Variants in SHISA9 observed in about 807,000 individuals in gnomAD.
SHISA9 encodes the protein shisa family member 9, also known as protein shisa-9.
SHISA9 carries 13 observed loss-of-function variants against 38.0 expected under a neutral mutation model. The observed-to-expected ratio is 0.34, with a 90% CI of 0.22 to 0.54. The LOEUF (loss-of-function observed/expected upper bound fraction) is 0.54, where lower values mean the gene tolerates loss of function less well. Among genes scored for constraint, SHISA9 ranks in the 20% least tolerant of loss-of-function variants. SHISA9 has a pLI of 0.91. For synonymous variants in SHISA9, 275 were observed against 242.0 expected (o/e 1.14, Z -1.27); for missense variants, 538 against 575.8 (o/e 0.93, Z 0.67).
chr16:13,530,297 T>C, the SHISA9 span, among the ~76,000 whole-genome samples: 3 of 152,118 alleles, frequency 2.0e-5, no homozygotes, highest in East Asian at 5.8e-4. Context: ...TGAGACTCCG[T>C]CTCAAAAAAT....
chr16:13,168,535 A>G (rs946166748), intron 2 of SHISA9, among the ~76,000 whole-genome samples: 2 of 152,206 alleles, frequency 1.3e-5, no homozygotes, highest in African/African-American at 2.4e-5. Context: ...TAGGTGCCCC[A>G]GCTGTAGCAA....
the SHISA9 span, among the ~76,000 whole-genome samples, chr16:13,471,293 C>A: frequency 6.6e-6 from 1 of 152,174 alleles, no homozygotes; most frequent in African/African-American, 2.4e-5. Context: ...GTGGTCATCA[C>A]AAGTTCTTGC....
chr16:12,963,520 TTAA>T (rs2071938292), intron 2 of SHISA9, among the ~76,000 whole-genome samples: 1 of 152,214 alleles, frequency 6.6e-6, no homozygotes, highest in Non-Finnish European at 1.5e-5. Flanking sequence ...TGTGGGATAA[TTAA>T]TAATAGTTGA....
At chr16:12,948,509 C>A (rs1349634977) in intron 2 of SHISA9, among the ~76,000 whole-genome samples, 7 of 152,178 alleles carry the variant, frequency 4.6e-5, no homozygotes, top group Non-Finnish European at 1.0e-4. Context: ...AGCTCACACA[C>A]AAAAGAAGTT....
the SHISA9 span, among the ~76,000 whole-genome samples, chr16:13,508,628 G>A: frequency 6.6e-6 from 1 of 152,234 alleles, no homozygotes; most frequent in African/African-American, 2.4e-5. Flanking sequence ...ATAAATTAAT[G>A]GGAATGGTGA....
the SHISA9 span, among the ~76,000 whole-genome samples, chr16:13,427,777 A>C: frequency 3.3e-5 from 5 of 152,324 alleles, no homozygotes; most frequent in African/African-American, 1.2e-4. Flanking sequence ...AGCTGTAAGG[A>C]GAGGCAAACA....
the SHISA9 span, among the ~76,000 whole-genome samples, chr16:13,255,292 CT>C: frequency 1.3e-5 from 2 of 152,014 alleles, no homozygotes; most frequent in African/African-American, 4.8e-5. Flanking sequence ...AGGCATCTTT[CT>C]TCCTTTTTGT....
the SHISA9 span, among the ~76,000 whole-genome samples, chr16:13,275,146 TGG>T: frequency 6.6e-6 from 1 of 152,092 alleles, no homozygotes; most frequent in African/African-American, 2.4e-5. Flanking sequence ...AGATCAAGTG[TGG>T]TAACTGATGA....
the SHISA9 span, among the ~76,000 whole-genome samples, chr16:13,338,603 C>T: frequency 6.6e-6 from 1 of 152,154 alleles, no homozygotes; most frequent in Non-Finnish European, 1.5e-5. Flanking sequence ...CTGGCTTCTA[C>T]ACTGCACGTC....
At chr16:13,230,645 C>A (rs1057462798) in intron 4 of SHISA9, among the ~76,000 whole-genome samples, 2 of 152,056 alleles carry the variant, frequency 1.3e-5, no homozygotes, top group Non-Finnish European at 2.9e-5. Context: ...AGAGAGGTTT[C>A]TTGGATCTCA....
chr16:13,535,199 T>C, the SHISA9 span, among the ~76,000 whole-genome samples: 6 of 152,166 alleles, frequency 3.9e-5, no homozygotes, highest in African/African-American at 1.2e-4. Flanking sequence ...TGAGCTTAGA[T>C]TGTGCCACTG....
chr16:13,133,415 C>G (rs1381332047), intron 2 of SHISA9, among the ~76,000 whole-genome samples: 2 of 152,192 alleles, frequency 1.3e-5, no homozygotes, highest in Non-Finnish European at 2.9e-5. Flanking sequence ...GCTGTTTAAA[C>G]TTGGCTCATT....
the SHISA9 span, among the ~76,000 whole-genome samples, chr16:13,456,543 C>T: frequency 1.3e-5 from 2 of 152,196 alleles, no homozygotes; most frequent in African/African-American, 4.8e-5. Flanking sequence ...AAAGTGAGGT[C>T]CAGTCTTTGC....
At chr16:13,502,787 G>T in the SHISA9 span, among the ~76,000 whole-genome samples, 30,809 of 152,050 alleles carry the variant, frequency 0.2, 3,320 homozygotes, top group South Asian at 0.34. Context: ...TGAGACACAA[G>T]AATTGCTTGA....
At chr16:13,289,405 G>T in the SHISA9 span, among the ~76,000 whole-genome samples, 2 of 152,014 alleles carry the variant, frequency 1.3e-5, no homozygotes, top group Non-Finnish European at 2.9e-5. Context: ...GGGTGCTGAT[G>T]GGAAAGTTGA....
chr16:13,504,962 A>G, the SHISA9 span, among the ~76,000 whole-genome samples: 8 of 152,208 alleles, frequency 5.3e-5, no homozygotes, highest in East Asian at 1.5e-3. Context: ...TAACAGCCTC[A>G]GGCCCCAAAA....
the SHISA9 span, among the ~76,000 whole-genome samples, chr16:13,271,241 G>C: frequency 6.6e-6 from 1 of 152,164 alleles, no homozygotes; most frequent in Non-Finnish European, 1.5e-5. Flanking sequence ...TCAGTGTAGA[G>C]AGAAGGAACA....
At chr16:13,419,578 T>G in the SHISA9 span, among the ~76,000 whole-genome samples, 1 of 152,180 alleles carries the variant, frequency 6.6e-6, no homozygotes, top group African/African-American at 2.4e-5. Flanking sequence ...GATGTGGTTA[T>G]AAGAGAGGAT....
chr16:13,489,651 C>G, the SHISA9 span, among the ~76,000 whole-genome samples: 1 of 152,128 alleles, frequency 6.6e-6, no homozygotes, highest in Admixed American at 6.6e-5. Flanking sequence ...TGCCTTCCAC[C>G]ATGATTGTGA....
Sources: allele counts gnomAD v4.1 joint callset (sites outside exome capture counted in the v4.1 genomes callset), GRCh38; gene constraint gnomAD v4.1.1; transcripts MANE v1.5; gene names NCBI Gene and HGNC (gene_info 2026-07-23, HGNC 2026-07-21).